RALY: variants seen among roughly 807,000 people sequenced by gnomAD.
The protein encoded by RALY is RNA-binding protein Raly.
Under a neutral mutation model 30.7 loss-of-function variants are expected in RALY, and 15 were observed. The observed-to-expected ratio is 0.49, with a 90% CI of 0.33 to 0.75. The LOEUF (loss-of-function observed/expected upper bound fraction) is 0.75, where lower values mean the gene tolerates loss of function less well. Among genes scored for constraint, RALY ranks in the 30% least tolerant of loss-of-function variants. The pLI, the probability that RALY is intolerant of heterozygous loss-of-function variation, is 0.02. For missense variants in RALY, 339 were observed against 414.3 expected, an observed-to-expected ratio of 0.82 and a Z score of 1.58; for synonymous variants, 177 against 170.8, an observed-to-expected ratio of 1.04 and a Z score of -0.28.
intron 1 of RALY, among the ~76,000 whole-genome samples, chr20:34,001,845 C>G (rs2030931032): frequency 6.6e-6 from 1 of 152,142 alleles, no homozygotes; most frequent in Non-Finnish European, 1.5e-5. Context: ...CCGCTCACTG[C>G]AAGCTCTGCC....
chr20:34,058,520 C>G (rs564757839), intron 2 of RALY, among the ~76,000 whole-genome samples: 1 of 151,950 alleles, frequency 6.6e-6, no homozygotes, highest in African/African-American at 2.4e-5. Context: ...AATGACTAAT[C>G]CAAGAAAAGG....
At chr20:34,018,929 A>T (rs13043392) in intron 1 of RALY, among the ~76,000 whole-genome samples, 1 of 151,998 alleles carries the variant, frequency 6.6e-6, no homozygotes, top group Non-Finnish European at 1.5e-5. Flanking sequence ...TGTACTTGTT[A>T]GAAGGCTGTC....
At chr20:34,006,972 T>C (rs535820627) in intron 1 of RALY, among the ~76,000 whole-genome samples, 1 of 152,256 alleles carries the variant, frequency 6.6e-6, no homozygotes, top group Non-Finnish European at 1.5e-5. Flanking sequence ...TGGATTTTGC[T>C]CATTGCATTC....
intron 2 of RALY, among the ~76,000 whole-genome samples, chr20:34,043,567 C>G (rs2032774409): frequency 6.6e-6 from 1 of 152,160 alleles, no homozygotes. Flanking sequence ...AAAATCTAAT[C>G]TTCTTAGAAT....
At chr20:34,015,611 TGCTGG>T in intron 1 of RALY, among the ~76,000 whole-genome samples, 1 of 151,968 alleles carries the variant, frequency 6.6e-6, no homozygotes, top group African/African-American at 2.4e-5. Context: ...CCTCCCACAG[TGCTGG>T]GGGTGTCATT....
chr20:34,034,866 G>A (rs2032419400), intron 2 of RALY, among the ~76,000 whole-genome samples: 1 of 152,084 alleles, frequency 6.6e-6, no homozygotes, highest in Non-Finnish European at 1.5e-5. Context: ...TAAAACAACA[G>A]TCTGGGCCGG....
chr20:34,077,038 G>A lies in RALY; in HGVS notation c.669G>A (p.Lys223=), dbSNP rs760933278. The A allele has an allele frequency of 6.2e-7, 1 of 1,605,008 alleles. No homozygotes were observed. The highest frequency in any genetic ancestry group is 2.2e-5 in the East Asian group (1 of 44,470). Residue 223 remains lysine (K), a synonymous_variant, in exon 8 of 10, where the codon AAG becomes AAA. Coordinates refer to ENST00000246194, the MANE Select transcript of RALY (RefSeq NM_016732.3). ...CCCCTTCCCCTCAAGATGGCAAGAA[G>A]AAGGGTGATGGAGGTGGCGCCGGCG... ...AEQKANPDGK[K]KGDGGGAGGG...
In RALY at chr20:34,084,833, A is replaced by G. The variant is rs2034077647; in HGVS notation, c.*4928A>G. On this transcript the variant is annotated 3_prime_UTR_variant, in exon 10 of 10. Coordinates refer to ENST00000246194, the MANE Select transcript of RALY (RefSeq NM_016732.3). ...AAGTAAGAACTGCCTCACTGATGCC[A>G]TTCAAAGCCCAGCACCATGAGAGAT... 1 of 152,338 alleles carries G rather than the reference A, an allele frequency of 6.6e-6. No individual in the cohort carries two copies. Among genetic ancestry groups the G allele is most frequent in the South Asian group, 2.1e-4 (1 of 4,834 alleles). 9.4% of individuals were successfully genotyped at this position (152,338 alleles called of 1,614,324 possible).
intron 2 of RALY, among the ~76,000 whole-genome samples, chr20:34,035,152 C>CA (rs61301033): frequency 0.044 from 1,429 of 32,490 alleles, 398 homozygotes; most frequent in East Asian, 0.14. Context: ...GACTCCATCT[C>CA]AAAAAAAAAA....
chr20:34,077,042 G>C lies in RALY; in HGVS notation c.673G>C (p.Gly225Arg), dbSNP rs554711695. 1.9e-6 allele frequency: 3 copies of C among 1,594,808 alleles called. No homozygotes were observed. Among genetic ancestry groups the C allele is most frequent in the South Asian group, 2.2e-5 (2 of 89,704 alleles). The change falls in exon 8 of 10, where the codon GGT becomes CGT. Residue 225 changes from glycine to arginine, a missense_variant. Transcript: ENST00000246194. ...QKANPDGKKK[G>R]DGGGAGGGGG... ...TTCCCCTCAAGATGGCAAGAAGAAGGGTGATGGAGGTGGCGCCGGCGGCGG... is the reference window on the plus strand; with the variant it reads ...TTCCCCTCAAGATGGCAAGAAGAAGCGTGATGGAGGTGGCGCCGGCGGCGG...
intron 1 of RALY, among the ~76,000 whole-genome samples, chr20:34,020,949 C>CT (rs879752717): frequency 2.0e-3 from 296 of 144,954 alleles, no homozygotes; most frequent in East Asian, 0.015. Context: ...TTGTCTTTTT[C>CT]TTTTTTTTTT....
intron 2 of RALY, among the ~76,000 whole-genome samples, chr20:34,037,456 C>A (rs2032539285): frequency 6.6e-6 from 1 of 152,192 alleles, no homozygotes; most frequent in Admixed American, 6.5e-5. Flanking sequence ...GGGGACCATT[C>A]TGAACACCTC....
At chr20:34,001,776 T>C (rs1204342099) in intron 1 of RALY, among the ~76,000 whole-genome samples, 1 of 151,040 alleles carries the variant, frequency 6.6e-6, no homozygotes, top group Non-Finnish European at 1.5e-5. Flanking sequence ...TGTTGTTTCC[T>C]TTTTTTTTGA....
chr20:34,075,058 T>C (rs1422624762), intron 5 of RALY, among the ~76,000 whole-genome samples: 1 of 152,090 alleles, frequency 6.6e-6, no homozygotes, highest in African/African-American at 2.4e-5. Context: ...CCTGGTCAGC[T>C]GGAAAGGAAG....
chr20:34,007,847 C>T (rs549493496), intron 1 of RALY, among the ~76,000 whole-genome samples: 2 of 150,148 alleles, frequency 1.3e-5, no homozygotes, highest in South Asian at 2.1e-4. Flanking sequence ...AAAAAGTTCC[C>T]TGGGCCTTAG....
intron 1 of RALY, among the ~76,000 whole-genome samples, chr20:33,994,563 C>G (rs889824552): frequency 6.6e-6 from 1 of 152,376 alleles, no homozygotes; most frequent in East Asian, 1.9e-4. Flanking sequence ...CTCTCCTAAC[C>G]CGGACTGGGT....
At chr20:34,014,146 C>T (rs2031518735) in intron 1 of RALY, among the ~76,000 whole-genome samples, 1 of 152,098 alleles carries the variant, frequency 6.6e-6, no homozygotes, top group African/African-American at 2.4e-5. Context: ...ACATGAGTAG[C>T]CCGTACTAGA....
intron 2 of RALY, among the ~76,000 whole-genome samples, chr20:34,056,872 G>T (rs977216289): frequency 2.0e-5 from 3 of 152,206 alleles, no homozygotes; most frequent in Non-Finnish European, 2.9e-5. Context: ...GCAATGTGTT[G>T]CCAGAGCCAA....
Position 34,072,329 on chromosome 20 carries a change from G to A in RALY, c.255G>A (p.Leu85=), listed in dbSNP as rs1351933902. 1 of 1,610,882 alleles carries A rather than the reference G, an allele frequency of 6.2e-7. No homozygotes were observed. Among genetic ancestry groups the A allele is most frequent in the East Asian group, 2.2e-5 (1 of 44,864 alleles). The change falls in exon 3 of 10, where the codon CTG becomes CTA. Residue 85 remains leucine, a splice_region_variant and synonymous_variant. Transcript: ENST00000246194. ...GGCGGGTGCTGGCCGGGCAGACCCTGGGTAAGCCTCTCTTCACTATATTCT... is the reference window on the plus strand; with the variant it reads ...GGCGGGTGCTGGCCGGGCAGACCCTAGGTAAGCCTCTCTTCACTATATTCT... The part of the protein sequence containing the change: ...ENGRVLAGQT[L]DINMAGEPKP...
Sources: allele counts gnomAD v4.1 joint callset (sites outside exome capture counted in the v4.1 genomes callset), GRCh38; gene constraint gnomAD v4.1.1; transcripts MANE v1.5; gene names NCBI Gene and HGNC (gene_info 2026-07-23, HGNC 2026-07-21).